The following AKAP7 variants were observed in gnomAD, a reference collection of about 807,000 sequenced individuals.
AKAP7 encodes A kinase (PRKA) anchor protein 7.
Under a neutral mutation model 39.5 loss-of-function variants are expected in AKAP7, and 39 were observed. That is an observed-to-expected ratio of 0.99 (90% confidence interval 0.76 to 1.29). AKAP7 has a LOEUF of 1.29. AKAP7 is among the 50% of genes most tolerant of loss of function. The pLI, the probability that AKAP7 is intolerant of heterozygous loss-of-function variation, is 0.00. For synonymous variants in AKAP7, 140 were observed against 139.1 expected (o/e 1.01, Z -0.05); for missense variants, 414 against 407.7 (o/e 1.02, Z -0.13).
intron 5 of AKAP7, among the ~76,000 whole-genome samples, chr6:131,191,922 G>T (rs182749296): frequency 6.6e-6 from 1 of 150,470 alleles, no homozygotes; most frequent in Non-Finnish European, 1.5e-5. Context: ...CTACAGGTGC[G>T]CACCACCATG....
At chr6:131,274,039 T>C (rs143290047) in intron 7 of AKAP7, among the ~76,000 whole-genome samples, 1 of 152,044 alleles carries the variant, frequency 6.6e-6, no homozygotes, top group East Asian at 1.9e-4. Flanking sequence ...TTTAGTACTT[T>C]AAAATGTTGC....
At chr6:131,265,962 C>T (rs10484764) in intron 7 of AKAP7, among the ~76,000 whole-genome samples, 1 of 152,096 alleles carries the variant, frequency 6.6e-6, no homozygotes, top group Non-Finnish European at 1.5e-5. Flanking sequence ...AGAAATAATA[C>T]GTGTTGGAAA....
intron 7 of AKAP7, chr6:131,252,940 C>A (rs1812552522): frequency 8.3e-7 from 1 of 1,208,538 alleles, no homozygotes. Context: ...AGGCGGTGGC[C>A]CTAGAATGTT....
chr6:131,206,444 G>A (rs868792755), intron 6 of AKAP7, among the ~76,000 whole-genome samples: 1 of 152,164 alleles, frequency 6.6e-6, no homozygotes, highest in Non-Finnish European at 1.5e-5. Context: ...GGGCTGAAGG[G>A]TGATCATTGG....
chr6:131,134,725 T>A (rs1800412104), upstream of AKAP7, among the ~76,000 whole-genome samples: 2 of 152,240 alleles, frequency 1.3e-5, no homozygotes, highest in Admixed American at 1.3e-4. Flanking sequence ...TTACGCCAGC[T>A]GTTGTGGCTG....
At chr6:131,242,827 GTAT>G (rs1427064045) in intron 7 of AKAP7, among the ~76,000 whole-genome samples, 2 of 152,120 alleles carry the variant, frequency 1.3e-5, no homozygotes, top group African/African-American at 4.8e-5. Context: ...CTACTGACTA[GTAT>G]TTGTATTATG....
At chr6:131,241,908 T>A (rs1449743428) in intron 7 of AKAP7, 2 of 322,228 alleles carry the variant, frequency 6.2e-6, no homozygotes, top group East Asian at 3.4e-4. Context: ...TGTCTCTGTG[T>A]GATTCAAGAT....
intron 2 of AKAP7, among the ~76,000 whole-genome samples, chr6:131,159,314 T>C (rs190185555): frequency 4.1e-4 from 62 of 151,956 alleles, no homozygotes; most frequent in Admixed American, 3.7e-3. Context: ...AGGATGGTCT[T>C]GATCTCCTGA....
chr6:131,192,293 A>G (rs575515102), intron 5 of AKAP7, among the ~76,000 whole-genome samples: 6 of 152,196 alleles, frequency 3.9e-5, no homozygotes, highest in South Asian at 2.1e-4. Flanking sequence ...GTCTAGTTTC[A>G]TTCTTCTGCA....
chr6:131,206,904 C>G (rs538647874), intron 6 of AKAP7, among the ~76,000 whole-genome samples: 1 of 152,216 alleles, frequency 6.6e-6, no homozygotes, highest in South Asian at 2.1e-4. Context: ...CTTTTATAAA[C>G]CATGTTAAAA....
chr6:131,281,903 A>C lies in AKAP7; in HGVS notation c.*177A>C. On this transcript the variant is annotated 3_prime_UTR_variant, in exon 8 of 8. Coordinates refer to ENST00000431975, the MANE Select transcript of AKAP7 (RefSeq NM_016377.4). This position sits in a 1 kb window ranked among gnomAD's most constrained non-coding sequence, Gnocchi z 4.0. ...CATTGCTGAAACACAACAGAAGAAAAATGGAGTGCTGGGACTGGCAGAGGA... is the reference window on the plus strand; with the variant it reads ...CATTGCTGAAACACAACAGAAGAAACATGGAGTGCTGGGACTGGCAGAGGA... 1 of 1,257,968 alleles carries C rather than the reference A, an allele frequency of 7.9e-7. No homozygotes were observed. The highest frequency in any genetic ancestry group is 1.5e-5 in the African/African-American group (1 of 64,668). 77.9% of individuals were successfully genotyped at this position (1,257,968 alleles called of 1,614,324 possible). A position where few individuals can be genotyped will look rare whatever the true frequency, so the allele number is the denominator to read the frequency against.
chr6:131,276,413 C>T (rs1281310026), intron 7 of AKAP7, among the ~76,000 whole-genome samples: 1 of 151,998 alleles, frequency 6.6e-6, no homozygotes, highest in Non-Finnish European at 1.5e-5. Flanking sequence ...GAGGATGATT[C>T]CTGACCTGTC....
At chr6:131,278,464 G>A (rs1190033764) in intron 7 of AKAP7, among the ~76,000 whole-genome samples, 1 of 152,108 alleles carries the variant, frequency 6.6e-6, no homozygotes, top group Non-Finnish European at 1.5e-5. Flanking sequence ...AGCTAGTATA[G>A]GGTATTAGTC....
At chr6:131,231,463 A>C in intron 7 of AKAP7, among the ~76,000 whole-genome samples, 1 of 152,122 alleles carries the variant, frequency 6.6e-6, no homozygotes, top group East Asian at 1.9e-4. Flanking sequence ...ATTTTAGAAG[A>C]GGGAACAGTG....
At chr6:131,257,218 G>A (rs762714383) in intron 7 of AKAP7, among the ~76,000 whole-genome samples, 2 of 152,030 alleles carry the variant, frequency 1.3e-5, no homozygotes, top group Non-Finnish European at 2.9e-5. Flanking sequence ...TTGCATAGCC[G>A]CAGTAAGAAG....
intron 5 of AKAP7, among the ~76,000 whole-genome samples, chr6:131,182,553 T>C (rs1805369627): frequency 6.6e-6 from 1 of 152,236 alleles, no homozygotes; most frequent in Non-Finnish European, 1.5e-5. Flanking sequence ...TGTTATCTGT[T>C]GATGGGTTTG....
At chr6:131,144,456 A>T (rs1295886320) in intron 1 of AKAP7, among the ~76,000 whole-genome samples, 1 of 152,250 alleles carries the variant, frequency 6.6e-6, no homozygotes, top group African/African-American at 2.4e-5. Context: ...AAATATGTAG[A>T]GTAAAAATTA....
Position 131,160,186 on chromosome 6 carries a change from C to T in AKAP7, c.279C>T (p.Ile93=). Residue 93 remains isoleucine, a synonymous_variant, in exon 3 of 8, where the codon ATC becomes ATT. Transcript: ENST00000431975. ...CCAACTATTTCCTGTCCATTCCAAT[C>T]ACCAACAAAGAGGTGCTATTTTTAA... ...YQPNYFLSIP[I]TNKEIIKGIK... 2 of 1,600,306 alleles carry T rather than the reference C, an allele frequency of 1.2e-6. No individual in the cohort carries two copies. Among genetic ancestry groups the T allele is most frequent in the Non-Finnish European group, 1.7e-6 (2 of 1,176,980 alleles).
intron 7 of AKAP7, among the ~76,000 whole-genome samples, chr6:131,257,756 A>G (rs1332386172): frequency 2.0e-5 from 3 of 152,172 alleles, no homozygotes; most frequent in Admixed American, 1.3e-4. Flanking sequence ...GAGCCAGCAC[A>G]GAGGAAAGTA....
Sources: allele counts gnomAD v4.1 joint callset (sites outside exome capture counted in the v4.1 genomes callset), GRCh38; gene constraint gnomAD v4.1.1; non-coding constraint Gnocchi (gnomAD v3.1); transcripts MANE v1.5; gene names NCBI Gene and HGNC (gene_info 2026-07-23, HGNC 2026-07-21).